ABCA12: variants seen among roughly 807,000 people sequenced by gnomAD.
ABCA12 encodes ATP binding cassette subfamily A member 12.
A neutral mutation model predicts 293.5 loss-of-function variants in ABCA12; 156 were observed. The observed-to-expected ratio is 0.53, with a 90% confidence interval of 0.47 to 0.61. The LOEUF (loss-of-function observed/expected upper bound fraction) is 0.61, where lower values mean the gene tolerates loss of function less well. Ranked by LOEUF, ABCA12 falls within the 20% of genes least tolerant of loss-of-function variation. ABCA12 has a pLI of 0.00. For synonymous variants in ABCA12, 1,063 were observed against 1,108.0 expected (o/e 0.96, Z 0.81); for missense variants, 2,797 against 3,090.2 (o/e 0.91, Z 2.25).
chr2:215,016,596 A>AAAAAAAG (rs1357729360), intron 14 of ABCA12, among the ~76,000 whole-genome samples: 1 of 140,582 alleles, frequency 7.1e-6, no homozygotes, highest in Non-Finnish European at 1.5e-5. Context: ...AAAAAAAAAA[A>AAAAAAAG]AAAAAAAAAA....
intron 45 of ABCA12, among the ~76,000 whole-genome samples, chr2:214,950,510 A>AT (rs10668551): frequency 0.64 from 89,870 of 140,394 alleles, 29,728 homozygotes; most frequent in East Asian, 0.76. Context: ...AATAATTAAG[A>AT]TTTTTTTTTT....
intron 2 of ABCA12, among the ~76,000 whole-genome samples, chr2:215,093,175 T>C (rs1702182750): frequency 6.6e-6 from 1 of 152,180 alleles, no homozygotes; most frequent in Admixed American, 6.5e-5. Context: ...ATCCATTACT[T>C]ATCTCAGCAT....
intron 2 of ABCA12, among the ~76,000 whole-genome samples, chr2:215,089,082 C>T (rs955780851): frequency 6.6e-6 from 1 of 151,820 alleles, no homozygotes; most frequent in Non-Finnish European, 1.5e-5. Context: ...AAATTGTGGT[C>T]AGAACATTCT....
At position 215,015,516 on chromosome 2, in the gene ABCA12, A is replaced by G; in HGVS notation, c.1930T>C (p.Leu644=). The part of the protein sequence containing the change: ...YLIGLTLLHY[L]NIYNFTYKVF... ...TTGTATGTGAAGTTGTAAATGTTTA[A>G]GTAGTGCAGAAGGGTGAGTCCGATG... The change falls in exon 15 of 53, where the codon TTA becomes CTA. Residue 644 remains leucine (L), a synonymous_variant. Coordinates refer to ENST00000272895, the MANE Select transcript of ABCA12 (RefSeq NM_173076.3). 1.9e-6 allele frequency: 3 copies of G among 1,614,164 alleles called. No homozygotes were observed. Among genetic ancestry groups the G allele is most frequent in the Non-Finnish European group, 2.5e-6 (3 of 1,179,992 alleles).
chr2:215,077,607 A>G lies in ABCA12; in HGVS notation c.164-13388T>C, dbSNP rs150623617. Among the ~76,000 whole-genome samples, 503 of 152,322 alleles carry G rather than the reference A, an allele frequency of 3.3e-3. 4 individuals are homozygous for G. Among genetic ancestry groups the G allele is most frequent in the Non-Finnish European group, 4.3e-3 (290 of 68,014 alleles). Reference sequence around the variant, plus strand: ...TACTCTCCACTGAGCATCATCTGCTATTGTGTTTACTCCATTACCGAGCTA... The same window carrying G: ...TACTCTCCACTGAGCATCATCTGCTGTTGTGTTTACTCCATTACCGAGCTA... On this transcript the variant is annotated intron_variant, in intron 2 of 52. Coordinates refer to ENST00000272895, the MANE Select transcript of ABCA12 (RefSeq NM_173076.3).
chr2:215,061,803 A>G (rs1418242785), intron 3 of ABCA12, among the ~76,000 whole-genome samples: 1 of 152,038 alleles, frequency 6.6e-6, no homozygotes, highest in East Asian at 1.9e-4. Context: ...AGATGAAAAA[A>G]TACACCTGGG....
At chr2:215,115,728 TTTC>T (rs971974031) in intron 1 of ABCA12, among the ~76,000 whole-genome samples, 18 of 152,366 alleles carry the variant, frequency 1.2e-4, no homozygotes, top group African/African-American at 4.1e-4. Flanking sequence ...CTGTTCTCTT[TTTC>T]TTCTTCTTTT....
intron 1 of ABCA12, among the ~76,000 whole-genome samples, chr2:215,120,580 A>G (rs985274151): frequency 6.6e-6 from 1 of 152,188 alleles, no homozygotes; most frequent in African/African-American, 2.4e-5. Context: ...GAAGCAGCAT[A>G]TGTGTGAAGA....
intron 3 of ABCA12, among the ~76,000 whole-genome samples, chr2:215,062,721 C>T (rs1269555584): frequency 6.6e-6 from 1 of 152,014 alleles, no homozygotes; most frequent in African/African-American, 2.4e-5. Flanking sequence ...TCATATGCTG[C>T]TGCTGATTTT....
chr2:215,050,845 G>GAGAA, intron 5 of ABCA12: 1 of 984,676 alleles, frequency 1.0e-6, no homozygotes, highest in African/African-American at 1.7e-5. Flanking sequence ...AAGCAGTAAA[G>GAGAA]AGAAAGAAAG....
chr2:215,108,073 C>A (rs1702498607), intron 2 of ABCA12, among the ~76,000 whole-genome samples: 2 of 152,146 alleles, frequency 1.3e-5, no homozygotes, highest in Admixed American at 1.3e-4. Context: ...GACTGAGGGA[C>A]CCACCATGGC....
chr2:215,095,034 C>T (rs192638717), intron 2 of ABCA12, among the ~76,000 whole-genome samples: 5 of 152,126 alleles, frequency 3.3e-5, no homozygotes, highest in Admixed American at 2.6e-4. Context: ...CAAATAGGAC[C>T]GAACAGTGCC....
intron 8 of ABCA12, 156 bp from the exon 9 acceptor site, chr2:215,032,052 T>C (rs1700890405): frequency 2.7e-6 from 4 of 1,497,032 alleles, no homozygotes; most frequent in Middle Eastern, 2.4e-4. Flanking sequence ...ATCTATGCTC[T>C]TTTGTTGGAA....
intron 42 of ABCA12, among the ~76,000 whole-genome samples, chr2:214,956,382 T>A (rs1376627673): frequency 6.6e-6 from 1 of 152,192 alleles, no homozygotes; most frequent in East Asian, 1.9e-4. Context: ...GCTTTCATTT[T>A]TATGTAAATG....
In ABCA12 at chr2:214,942,924, C is replaced by T; in HGVS notation, c.7436+1G>A. 6.2e-7 allele frequency: 1 copy of T among 1,612,798 alleles called. No individual in the cohort carries two copies. Among genetic ancestry groups the T allele is most frequent in the South Asian group, 1.1e-5 (1 of 91,064 alleles). On this transcript the variant is annotated splice_donor_variant, in intron 50 of 52. Coordinates refer to ENST00000272895, the MANE Select transcript of ABCA12 (RefSeq NM_173076.3). LOFTEE classifies it high-confidence loss of function. ...TGTTAAGCAATGCATTTGTTCTTCA[C>T]CTGCTCTTTATGTGCTGCAAAGATC...
chr2:214,966,815 C>T (rs755599951), intron 39 of ABCA12, 33 bp downstream of exon 39: 134 of 1,592,388 alleles, frequency 8.4e-5, no homozygotes, highest in Non-Finnish European at 1.1e-4. Context: ...ACAGAAGTTG[C>T]AATACAGGAC....
intron 1 of ABCA12, among the ~76,000 whole-genome samples, chr2:215,122,553 G>A (rs1702830084): frequency 6.6e-6 from 1 of 152,190 alleles, no homozygotes; most frequent in Admixed American, 6.5e-5. Flanking sequence ...GGGGATTGCA[G>A]GAGGGTATGT....
Position 215,019,766 on chromosome 2 carries a change from G to T in ABCA12, c.1318C>A (p.Leu440Ile). Residue 440 changes from leucine to isoleucine, a missense_variant, in exon 12 of 53, where the codon CTT becomes ATT. Physicochemically the swap from Leu to Ile is conservative, Grantham distance 5. Coordinates refer to ENST00000272895, the MANE Select transcript of ABCA12 (RefSeq NM_173076.3). ...AAACTGAAAGTTTCAGATTCACAAA[G>T]AAGTTCGGTCAAGTTTCGAAGTTGA... ...LSQLRNLTEL[L>I]CESETFSLIE... is the part of the protein sequence containing the mutation. 1 of 1,613,486 alleles carries T rather than the reference G, an allele frequency of 6.2e-7. No individual in the cohort carries two copies.
chr2:215,017,285 C>T (rs897156177), intron 14 of ABCA12, among the ~76,000 whole-genome samples: 1 of 152,134 alleles, frequency 6.6e-6, no homozygotes, highest in Non-Finnish European at 1.5e-5. Flanking sequence ...GGAAAATTTC[C>T]ATGACACTTC....
Sources: gnomAD v4.1 joint callset for allele counts (sites outside exome capture counted in the v4.1 genomes callset) on GRCh38, gnomAD v4.1.1 for gene constraint, MANE v1.5 for transcripts, NCBI Gene and HGNC (gene_info 2026-07-23, HGNC 2026-07-21) for gene names.